Variants in KHDRBS2 observed in about 807,000 individuals in gnomAD.
The protein encoded by KHDRBS2 is KH RNA binding domain containing, signal transduction associated 2, also known as KH domain-containing, RNA-binding, signal transduction-associated protein 2.
KHDRBS2 carries 26 observed loss-of-function variants against 44.3 expected under a neutral mutation model. The observed-to-expected ratio is 0.59, with a 90% CI of 0.43 to 0.81. KHDRBS2 has a LOEUF of 0.81. Ranked by LOEUF, KHDRBS2 falls within the 40% of genes least tolerant of loss-of-function variation. KHDRBS2 has a pLI of 0.00. For synonymous variants in KHDRBS2, 194 were observed against 151.1 expected (o/e 1.28, Z -2.08); for missense variants, 476 against 433.1 (o/e 1.10, Z -0.88).
At chr6:62,267,895 A>G (rs1381126757) in intron 1 of KHDRBS2, among the ~76,000 whole-genome samples, 1 of 152,070 alleles carries the variant, frequency 6.6e-6, no homozygotes, top group Non-Finnish European at 1.5e-5. Context: ...ATAATAAATT[A>G]TTGTTCAATA....
intron 4 of KHDRBS2, among the ~76,000 whole-genome samples, chr6:61,904,743 C>G (rs187544155): frequency 2.1e-4 from 32 of 152,172 alleles, no homozygotes; most frequent in African/African-American, 7.2e-4. Context: ...AGGATTCCAC[C>G]GCTCTTTCCT....
chr6:62,180,961 T>C (rs866588367), intron 1 of KHDRBS2, among the ~76,000 whole-genome samples: 4 of 150,684 alleles, frequency 2.7e-5, no homozygotes, highest in Admixed American at 6.7e-5. Flanking sequence ...CTTCAATAAA[T>C]AGTGTTGAGA....
At chr6:61,653,756 G>C in the KHDRBS2 span, among the ~76,000 whole-genome samples, 1 of 151,940 alleles carries the variant, frequency 6.6e-6, no homozygotes, top group East Asian at 1.9e-4. Flanking sequence ...ATAGTTACTT[G>C]GCTTAGAATT....
At chr6:61,638,415 C>G in the KHDRBS2 span, among the ~76,000 whole-genome samples, 109 of 152,120 alleles carry the variant, frequency 7.2e-4, no homozygotes, top group Admixed American at 2.7e-3. Context: ...GAAAGGATTC[C>G]CTATTTAATA....
At chr6:61,759,769 T>A (rs1779009944) in intron 6 of KHDRBS2, among the ~76,000 whole-genome samples, 1 of 152,216 alleles carries the variant, frequency 6.6e-6, no homozygotes, top group African/African-American at 2.4e-5. Context: ...ATGATGAGCA[T>A]CATAATAGTA....
At chr6:61,755,199 T>G (rs376804821) in intron 6 of KHDRBS2, among the ~76,000 whole-genome samples, 2 of 152,148 alleles carry the variant, frequency 1.3e-5, no homozygotes. Context: ...ACCTATAAAG[T>G]ATTTTTAAAA....
chr6:61,645,137 A>G, the KHDRBS2 span, among the ~76,000 whole-genome samples: 1 of 152,192 alleles, frequency 6.6e-6, no homozygotes, highest in Non-Finnish European at 1.5e-5. Flanking sequence ...ATGCAGCCAT[A>G]AAAAATGAGA....
intron 1 of KHDRBS2, among the ~76,000 whole-genome samples, chr6:62,213,735 A>G (rs1829483616): frequency 6.6e-6 from 1 of 151,820 alleles, no homozygotes; most frequent in South Asian, 2.1e-4. Context: ...TTAGCCAGGC[A>G]TGGTGGTGGA....
At chr6:61,607,464 A>G in the KHDRBS2 span, among the ~76,000 whole-genome samples, 1 of 149,346 alleles carries the variant, frequency 6.7e-6, no homozygotes, top group African/African-American at 2.4e-5. Context: ...TTAAAAGAGG[A>G]ATATAAAAAT....
the KHDRBS2 span, among the ~76,000 whole-genome samples, chr6:61,651,684 C>A: frequency 6.6e-5 from 10 of 152,118 alleles, no homozygotes; most frequent in Admixed American, 4.6e-4. Flanking sequence ...TGAAACCAAG[C>A]CTTCTGGCTC....
At chr6:62,039,359 G>T (rs1307790716) in intron 3 of KHDRBS2, among the ~76,000 whole-genome samples, 3 of 151,006 alleles carry the variant, frequency 2.0e-5, no homozygotes, top group Admixed American at 6.6e-5. Flanking sequence ...TATATATATA[G>T]AATTTCATAC....
the KHDRBS2 span, among the ~76,000 whole-genome samples, chr6:61,640,682 C>T: frequency 1.3e-5 from 2 of 152,158 alleles, no homozygotes; most frequent in African/African-American, 2.4e-5. Context: ...GAATGACCAA[C>T]AGCCCTGTAA....
At chr6:61,910,229 A>G (rs1299253074) in intron 4 of KHDRBS2, among the ~76,000 whole-genome samples, 1 of 152,238 alleles carries the variant, frequency 6.6e-6, no homozygotes, top group Admixed American at 6.5e-5. Flanking sequence ...AAAACAGAAC[A>G]TGCTATTAAA....
intron 2 of KHDRBS2, among the ~76,000 whole-genome samples, chr6:62,103,624 C>T (rs946260491): frequency 8.3e-5 from 12 of 144,920 alleles, no homozygotes; most frequent in Non-Finnish European, 1.5e-4. Flanking sequence ...CGCCCAGGAG[C>T]GCAGGCTTCC....
At chr6:61,605,530 T>C in the KHDRBS2 span, among the ~76,000 whole-genome samples, 1 of 152,200 alleles carries the variant, frequency 6.6e-6, no homozygotes, top group Non-Finnish European at 1.5e-5. Context: ...ATTTTTCTCC[T>C]TGTCTTATTC....
chr6:61,768,499 T>G (rs1215677186), intron 6 of KHDRBS2, among the ~76,000 whole-genome samples: 1 of 152,182 alleles, frequency 6.6e-6, no homozygotes, highest in African/African-American at 2.4e-5. Flanking sequence ...TAGATTTGCA[T>G]TTTTGTGGCT....
chr6:61,933,529 T>C (rs546339715), intron 4 of KHDRBS2, among the ~76,000 whole-genome samples: 1 of 152,262 alleles, frequency 6.6e-6, no homozygotes, highest in South Asian at 2.1e-4. Context: ...CATTAGGTGG[T>C]TTCATCACTA....
chr6:62,251,140 C>A (rs912411521), intron 1 of KHDRBS2, among the ~76,000 whole-genome samples: 10 of 151,652 alleles, frequency 6.6e-5, no homozygotes, highest in African/African-American at 1.2e-4. Context: ...ATGTATATAA[C>A]TTATAAGTTA....
chr6:61,809,967 T>C (rs1787842985), intron 6 of KHDRBS2, among the ~76,000 whole-genome samples: 1 of 152,066 alleles, frequency 6.6e-6, no homozygotes, highest in South Asian at 2.1e-4. Flanking sequence ...AAAATTGATG[T>C]TGAAAAGAAT....
Sources: gnomAD v4.1 joint callset for allele counts (sites outside exome capture counted in the v4.1 genomes callset) on GRCh38, gnomAD v4.1.1 for gene constraint, MANE v1.5 for transcripts, NCBI Gene and HGNC (gene_info 2026-07-23, HGNC 2026-07-21) for gene names.